The following LEMD1 variants were observed in gnomAD, a reference collection of about 807,000 sequenced individuals.
LEMD1 encodes LEM domain containing 1.
A neutral mutation model predicts 17.4 loss-of-function variants in LEMD1; 18 were observed. The observed-to-expected ratio is 1.04, with a 90% CI of 0.72 to 1.54. The LOEUF is 1.54. LEMD1 is among the 40% of genes most tolerant of loss of function. LEMD1 has a pLI of 0.00. For synonymous variants in LEMD1, 88 were observed against 77.8 expected (o/e 1.13, Z -0.69); for missense variants, 195 against 210.4 (o/e 0.93, Z 0.45).
At chr1:205,414,434 GT>G (rs199914270) in intron 4 of LEMD1, among the ~76,000 whole-genome samples, 28 of 132,236 alleles carry the variant, frequency 2.1e-4, no homozygotes, top group Admixed American at 3.1e-4. Context: ...AAAAAAAAAA[GT>G]TTTTTTTGAG....
intron 4 of LEMD1, among the ~76,000 whole-genome samples, chr1:205,412,811 T>C (rs948748807): frequency 6.6e-6 from 1 of 152,280 alleles, no homozygotes; most frequent in Middle Eastern, 3.4e-3. Context: ...AAAATATCGA[T>C]GTGGTTTTAT....
chr1:205,414,028 A>C (rs1665579272), intron 4 of LEMD1, among the ~76,000 whole-genome samples: 1 of 152,158 alleles, frequency 6.6e-6, no homozygotes, highest in Admixed American at 6.6e-5. Context: ...TCAGGCATAA[A>C]GAACAGTTGA....
intron 4 of LEMD1, among the ~76,000 whole-genome samples, chr1:205,411,671 AAAAG>A (rs199610367): frequency 0.2 from 28,468 of 145,362 alleles, 2,855 homozygotes; most frequent in South Asian, 0.35. Context: ...AGAAAGAAAG[AAAAG>A]AAAGAAAGAA....
intron 4 of LEMD1, among the ~76,000 whole-genome samples, chr1:205,391,634 G>T (rs1055385495): frequency 3.9e-5 from 6 of 152,192 alleles, no homozygotes; most frequent in African/African-American, 1.4e-4. Flanking sequence ...TGTCAATGGA[G>T]CGCACATGGG....
intron 4 of LEMD1, among the ~76,000 whole-genome samples, chr1:205,391,905 C>T (rs949643140): frequency 2.0e-5 from 3 of 148,112 alleles, no homozygotes; most frequent in African/African-American, 5.0e-5. Context: ...GTTAGGAGTT[C>T]GAGACCAACC....
chr1:205,427,481 A>G (rs1294791967), intron 1 of LEMD1, among the ~76,000 whole-genome samples: 3 of 95,684 alleles, frequency 3.1e-5, no homozygotes, highest in Non-Finnish European at 6.7e-5. Context: ...TCAAAAGAAC[A>G]TTTGAGAGAG....
Position 205,382,914 on chromosome 1 carries a change from C to G in LEMD1, c.348-1058G>C, listed in dbSNP as rs577594676. On this transcript the variant is annotated intron_variant, in intron 5 of 5. Coordinates refer to ENST00000367153, the MANE Select transcript of LEMD1 (RefSeq NM_001199050.2). ...GCCTTATGTTTCCACTAGCCTAATTCTGCAAAACCTGCTGAAGTTTATTCA... is the reference window on the plus strand; with the variant it reads ...GCCTTATGTTTCCACTAGCCTAATTGTGCAAAACCTGCTGAAGTTTATTCA... 3.3e-5 allele frequency among the ~76,000 whole-genome samples: 5 copies of G among 152,320 alleles called. No homozygotes were observed. The South Asian group carries it at 8.3e-4, about 25-fold the overall frequency.
chr1:205,386,635 C>T (rs913303294), intron 4 of LEMD1: 1 of 152,282 alleles, frequency 6.6e-6, no homozygotes, highest in Non-Finnish European at 1.5e-5. Context: ...ATGTTCTCAA[C>T]AGTGGTTTAG....
intron 4 of LEMD1, among the ~76,000 whole-genome samples, chr1:205,402,991 G>T (rs967204376): frequency 1.3e-5 from 2 of 151,490 alleles, no homozygotes; most frequent in Non-Finnish European, 3.0e-5. Flanking sequence ...CTGTTTATAT[G>T]CTGGATTACA....
At chr1:205,429,038 A>G (rs1351352900) in intron 1 of LEMD1, among the ~76,000 whole-genome samples, 1 of 152,176 alleles carries the variant, frequency 6.6e-6, no homozygotes, top group Non-Finnish European at 1.5e-5. Flanking sequence ...AGCCACTTCC[A>G]CCGCCAGCCC....
At chr1:205,381,953 C>T (rs1663723057) in intron 5 of LEMD1, 97 bp from the exon 6 acceptor site, 1 of 1,142,990 alleles carries the variant, frequency 8.7e-7, no homozygotes, top group Non-Finnish European at 1.3e-6. Flanking sequence ...AGGGTGCAGT[C>T]ATGGTGGGGC....
chr1:205,448,316 A>G lies in LEMD1; in HGVS notation c.-39+1552T>C, dbSNP rs763951501. 1 of 531,538 alleles carries G rather than the reference A, an allele frequency of 1.9e-6. No individual in the cohort carries two copies. Among genetic ancestry groups the G allele is most frequent in the Admixed American group, 1.9e-5 (1 of 51,518 alleles). 32.9% of individuals were successfully genotyped at this position (531,538 alleles called of 1,614,324 possible). A position where few individuals can be genotyped will look rare whatever the true frequency, so the allele number is the denominator to read the frequency against. ...GCGCAGGAGAAGGAGCTCGCCCCTC[A>G]CTGTAGCCCATGGCTTTTAGCCCTA... On this transcript the variant is annotated intron_variant, in intron 1 of 3. Coordinates refer to the LEMD1 transcript ENST00000367154. This position sits in a 1 kb window ranked among gnomAD's most constrained non-coding sequence, Gnocchi z 4.7.
chr1:205,434,859 CA>C (rs1403178819), intron 1 of LEMD1: 1 of 152,214 alleles, frequency 6.6e-6, no homozygotes, highest in African/African-American at 2.4e-5. Context: ...TCTACCCTGA[CA>C]ACATAATCCA....
intron 4 of LEMD1, among the ~76,000 whole-genome samples, chr1:205,404,518 T>C (rs1664999530): frequency 6.6e-6 from 1 of 152,210 alleles, no homozygotes; most frequent in Admixed American, 6.5e-5. Context: ...ATACTAGGAT[T>C]GCAACCCCTG....
At chr1:205,423,491 T>C (rs1666013909), upstream of LEMD1, among the ~76,000 whole-genome samples, 1 of 152,244 alleles carries the variant, frequency 6.6e-6, no homozygotes, top group Non-Finnish European at 1.5e-5. Flanking sequence ...GAAACAGACA[T>C]TTCTAAAATA....
chr1:205,425,967 G>GC (rs1460498222), upstream of LEMD1, among the ~76,000 whole-genome samples: 1 of 152,076 alleles, frequency 6.6e-6, no homozygotes, highest in African/African-American at 2.4e-5. Flanking sequence ...CCTCTGCAGT[G>GC]CCTGGAGCTA....
In LEMD1 at chr1:205,448,767, T is replaced by TGCC. The variant is rs1381093445; in HGVS notation, c.-39+1098_-39+1100dup. Reference sequence around the variant, plus strand: ...GGCCGGATCTTTTCAAGGCTGCTGCTGCCAGTACCCAGGATGGGGGGCCCC... The same window carrying TGCC: ...GGCCGGATCTTTTCAAGGCTGCTGCTGCCGCCAGTACCCAGGATGGGGGGCCCC... On this transcript the variant is annotated intron_variant, in intron 1 of 3. Coordinates refer to the LEMD1 transcript ENST00000367154. The surrounding 1 kb of genome is among the most constrained non-coding windows in gnomAD (Gnocchi z 4.7). 6.6e-6 allele frequency among the ~76,000 whole-genome samples: 1 copy of TGCC among 152,192 alleles called. No homozygotes were observed. Among genetic ancestry groups the TGCC allele is most frequent in the East Asian group, 1.9e-4 (1 of 5,192 alleles).
chr1:205,412,223 T>C (rs1030741336), intron 4 of LEMD1, among the ~76,000 whole-genome samples: 4 of 152,088 alleles, frequency 2.6e-5, no homozygotes, highest in Non-Finnish European at 5.9e-5. Context: ...TCCCGTTTGG[T>C]AGAAGGGCAC....
chr1:205,390,731 A>G (rs1278008920), intron 4 of LEMD1, among the ~76,000 whole-genome samples: 3 of 152,244 alleles, frequency 2.0e-5, no homozygotes, highest in Admixed American at 2.0e-4. Context: ...CCTATTCCCA[A>G]TGGAGCAAAA....
Sources: allele counts gnomAD v4.1 joint callset (sites outside exome capture counted in the v4.1 genomes callset), GRCh38; gene constraint gnomAD v4.1.1; non-coding constraint Gnocchi (gnomAD v3.1); transcripts MANE v1.5; gene names NCBI Gene and HGNC (gene_info 2026-07-23, HGNC 2026-07-21).